MACROD2: variants seen among roughly 807,000 people sequenced by gnomAD.
MACROD2 encodes mono-ADP ribosylhydrolase 2.
MACROD2 carries 36 observed loss-of-function variants against 70.4 expected under a neutral mutation model. The observed-to-expected ratio is 0.51, with a 90% CI of 0.39 to 0.68. The LOEUF is 0.68. MACROD2 is among the 30% of genes least tolerant of loss of function. The pLI, the probability that MACROD2 is intolerant of heterozygous loss-of-function variation, is 0.00. For synonymous variants in MACROD2, 172 were observed against 178.8 expected (o/e 0.96, Z 0.30); for missense variants, 496 against 538.4 (o/e 0.92, Z 0.78).
At chr20:14,341,765 G>A (rs539449725) in intron 3 of MACROD2, among the ~76,000 whole-genome samples, 1 of 152,288 alleles carries the variant, frequency 6.6e-6, no homozygotes, top group East Asian at 1.9e-4. Context: ...AATCAACAAT[G>A]GGAATCCATT....
chr20:14,094,228 C>T (rs745639987), intron 3 of MACROD2, among the ~76,000 whole-genome samples: 2 of 152,156 alleles, frequency 1.3e-5, no homozygotes, highest in Non-Finnish European at 2.9e-5. Context: ...TCTTCTGACT[C>T]TGCCCTCTTT....
intron 8 of MACROD2, among the ~76,000 whole-genome samples, chr20:15,701,496 A>G (rs1346342903): frequency 6.6e-6 from 1 of 152,210 alleles, no homozygotes; most frequent in Non-Finnish European, 1.5e-5. Flanking sequence ...CTATAACTCT[A>G]GCGCATGTTC....
chr20:15,127,496 C>T (rs182605326), intron 5 of MACROD2, among the ~76,000 whole-genome samples: 1 of 152,146 alleles, frequency 6.6e-6, no homozygotes, highest in East Asian at 1.9e-4. Context: ...GGCTCAGAAC[C>T]TCTCTTATGA....
intron 3 of MACROD2, among the ~76,000 whole-genome samples, chr20:14,446,246 T>C (rs6074741): frequency 0.28 from 42,258 of 151,910 alleles, 6,054 homozygotes; most frequent in Admixed American, 0.32. Flanking sequence ...GTATAAATAA[T>C]AAATATTTTC....
At chr20:14,385,917 T>G (rs1433081685) in intron 3 of MACROD2, among the ~76,000 whole-genome samples, 1 of 151,628 alleles carries the variant, frequency 6.6e-6, no homozygotes, top group Non-Finnish European at 1.5e-5. Flanking sequence ...TTGTATTACT[T>G]GCATGTTATT....
intron 8 of MACROD2, among the ~76,000 whole-genome samples, chr20:15,632,094 G>A (rs1449842158): frequency 6.6e-6 from 1 of 151,962 alleles, no homozygotes; most frequent in Non-Finnish European, 1.5e-5. Flanking sequence ...AGCTGAGATC[G>A]TGCCATTGCA....
Position 14,493,543 on chromosome 20 carries a change from T to A in MACROD2, c.301+35T>A. The A allele has an allele frequency of 1.3e-6, 2 of 1,564,782 alleles. 1 individual carries two copies. The highest frequency in any genetic ancestry group is 2.3e-5 in the South Asian group (2 of 88,756). On this transcript the variant is annotated intron_variant, in intron 4 of 17. Coordinates refer to ENST00000684519, the MANE Select transcript of MACROD2 (RefSeq NM_001351661.2). ...GAACATCACTTAACTTAAAATACAT[T>A]TTAATTGTTATACCAACTACAAGAT...
intron 5 of MACROD2, among the ~76,000 whole-genome samples, chr20:15,015,189 T>C (rs1316043479): frequency 6.6e-6 from 1 of 152,106 alleles, no homozygotes; most frequent in Non-Finnish European, 1.5e-5. Context: ...GAACTTTTAA[T>C]ATTAATTTTT....
intron 2 of MACROD2, among the ~76,000 whole-genome samples, chr20:14,031,953 TTGTA>T (rs1601135898): frequency 6.6e-6 from 1 of 152,192 alleles, no homozygotes; most frequent in East Asian, 1.9e-4. Context: ...GGTTAACTAA[TTGTA>T]TGGTTAACCT....
At chr20:14,111,341 C>G (rs1407847336) in intron 3 of MACROD2, among the ~76,000 whole-genome samples, 1 of 151,876 alleles carries the variant, frequency 6.6e-6, no homozygotes, top group Non-Finnish European at 1.5e-5. Context: ...GCATAGGCAA[C>G]CAAAGCAAAC....
chr20:15,209,055 T>C (rs1304271011), intron 5 of MACROD2, among the ~76,000 whole-genome samples: 1 of 152,150 alleles, frequency 6.6e-6, no homozygotes. Context: ...GGATAGTTTT[T>C]ATCTTTCTGT....
chr20:14,682,742 T>C (rs2123590958), intron 4 of MACROD2, among the ~76,000 whole-genome samples: 1 of 152,346 alleles, frequency 6.6e-6, no homozygotes, highest in Non-Finnish European at 1.5e-5. Context: ...TGTAAACAAC[T>C]GTGACATCCT....
At chr20:14,749,430 AAAGGAAGG>A (rs747062136) in intron 5 of MACROD2, among the ~76,000 whole-genome samples, 2 of 152,108 alleles carry the variant, frequency 1.3e-5, no homozygotes, top group African/African-American at 2.4e-5. Context: ...GAAAAAAAGA[AAAGGAAGG>A]AAGGAAGGAA....
At position 15,229,795 on chromosome 20, in the gene MACROD2, G is replaced by T. The variant is rs975095162; in HGVS notation, c.419-145G>T. The T allele has an allele frequency of 6.6e-6, 5 of 760,552 alleles. No homozygotes were observed. In the Admixed American group the frequency reaches 1.4e-4, roughly 22 times the overall value. 47.1% of individuals were successfully genotyped at this position (760,552 alleles called of 1,614,324 possible). A position where few individuals can be genotyped will look rare whatever the true frequency, so the allele number is the denominator to read the frequency against. ...GTGCTACTTAAGATCTTCTACCAGA[G>T]AAATATTTGCGTCGCCAATGTATTG... On this transcript the variant is annotated intron_variant, in intron 5 of 17. Transcript: ENST00000684519.
At chr20:14,829,128 AT>A (rs71190150) in intron 5 of MACROD2, among the ~76,000 whole-genome samples, 2,781 of 110,352 alleles carry the variant, frequency 0.025, 58 homozygotes, top group African/African-American at 0.085. Flanking sequence ...TTGCAGAACT[AT>A]TTTTTTTTTT....
chr20:14,883,269 T>C (rs984274121), intron 5 of MACROD2, among the ~76,000 whole-genome samples: 2 of 152,112 alleles, frequency 1.3e-5, no homozygotes, highest in African/African-American at 2.4e-5. Flanking sequence ...CCAAGAGACA[T>C]ATCTAACCTT....
intron 3 of MACROD2, among the ~76,000 whole-genome samples, chr20:14,136,724 C>A (rs959250581): frequency 1.3e-5 from 2 of 152,206 alleles, no homozygotes; most frequent in African/African-American, 2.4e-5. Context: ...CTGAGTTTCA[C>A]AGTGTTTGCT....
At chr20:14,580,045 C>G (rs892264820) in intron 4 of MACROD2, among the ~76,000 whole-genome samples, 1 of 152,008 alleles carries the variant, frequency 6.6e-6, no homozygotes, top group Non-Finnish European at 1.5e-5. Context: ...AAAAGCTTAG[C>G]AAGATAATTA....
At chr20:15,935,547 T>C (rs6043626) in intron 11 of MACROD2, among the ~76,000 whole-genome samples, 100,024 of 152,116 alleles carry the variant, frequency 0.66, 34,413 homozygotes, top group Non-Finnish European at 0.77. Flanking sequence ...GCTTCAATTT[T>C]GATTATATAG....
Sources: gnomAD v4.1 joint callset for allele counts (sites outside exome capture counted in the v4.1 genomes callset) on GRCh38, gnomAD v4.1.1 for gene constraint, MANE v1.5 for transcripts, NCBI Gene and HGNC (gene_info 2026-07-23, HGNC 2026-07-21) for gene names.